Variants in CTNNA2 observed in about 807,000 individuals in gnomAD.
CTNNA2 encodes catenin alpha-2.
In CTNNA2, 42 loss-of-function variants were observed where a neutral mutation model predicts 101.0. That is an observed-to-expected ratio of 0.42 (90% confidence interval 0.32 to 0.54). The LOEUF is 0.54. Among genes scored for constraint, CTNNA2 ranks in the 20% least tolerant of loss-of-function variants. The pLI, the probability that CTNNA2 is intolerant of heterozygous loss-of-function variation, is 0.14. For missense variants in CTNNA2, 871 were observed against 1,223.1 expected (o/e 0.71, Z 4.29); for synonymous variants, 450 against 456.4 (o/e 0.99, Z 0.18).
chr2:79,256,708 C>T (rs754569228), intron 2 of CTNNA2, among the ~76,000 whole-genome samples: 6 of 152,168 alleles, frequency 3.9e-5, no homozygotes, highest in South Asian at 2.1e-4. Flanking sequence ...GGCAATGTCC[C>T]GTGAGTCAGC....
chr2:80,552,401 A>ATTT, intron 11 of CTNNA2, among the ~76,000 whole-genome samples: 1 of 152,236 alleles, frequency 6.6e-6, no homozygotes, highest in Non-Finnish European at 1.5e-5. Context: ...TTTTTAATAA[A>ATTT]GTACAAATCT....
chr2:80,418,880 A>G (rs1490542570), intron 8 of CTNNA2, among the ~76,000 whole-genome samples: 1 of 152,206 alleles, frequency 6.6e-6, no homozygotes, highest in Non-Finnish European at 1.5e-5. Context: ...ATCTTGAAGA[A>G]TAATTATAAG....
At chr2:79,461,078 G>C (rs1340235804) in intron 4 of CTNNA2, among the ~76,000 whole-genome samples, 1 of 152,176 alleles carries the variant, frequency 6.6e-6, no homozygotes, top group Non-Finnish European at 1.5e-5. Flanking sequence ...CTGACCTCAA[G>C]TGATCCCCCC....
At chr2:79,507,766 T>G (rs1671444936) in intron 5 of CTNNA2, among the ~76,000 whole-genome samples, 1 of 152,208 alleles carries the variant, frequency 6.6e-6, no homozygotes. Context: ...CCTTTGAATC[T>G]AGCCACGAGA....
rs181410338 is a variant in CTNNA2 at position 79,352,734 on chromosome 2, A to T, written c.-317-21097A>T. Among the ~76,000 whole-genome samples the T allele has an allele frequency of 4.1e-4, 62 of 152,224 alleles. No homozygotes were observed. In the East Asian group the frequency reaches 0.01, roughly 26 times the overall value. ...TGATAACTTCTTAAAAGTGTTTAGT[A>T]CTATAAACTTTCCTCTTAACACTGC... On this transcript the variant is annotated intron_variant, in intron 3 of 21. Transcript: ENST00000466387.
At chr2:80,430,012 A>T (rs1681347285) in intron 9 of CTNNA2, among the ~76,000 whole-genome samples, 1 of 152,162 alleles carries the variant, frequency 6.6e-6, no homozygotes, top group African/African-American at 2.4e-5. Flanking sequence ...TATGAAATCA[A>T]TTTTTTTCAT....
intron 7 of CTNNA2, among the ~76,000 whole-genome samples, chr2:80,088,284 A>C (rs1699573963): frequency 6.6e-6 from 1 of 152,030 alleles, no homozygotes; most frequent in African/African-American, 2.4e-5. Flanking sequence ...TCATCTTATT[A>C]AACCCATATA....
intron 4 of CTNNA2, among the ~76,000 whole-genome samples, chr2:79,460,108 C>A (rs1448175972): frequency 2.6e-5 from 4 of 151,984 alleles, no homozygotes; most frequent in Non-Finnish European, 5.9e-5. Context: ...CTTTTTAATT[C>A]TCTCTCTAAA....
chr2:80,206,859 G>A (rs1209729623), intron 7 of CTNNA2, among the ~76,000 whole-genome samples: 1 of 152,142 alleles, frequency 6.6e-6, no homozygotes, highest in African/African-American at 2.4e-5. Flanking sequence ...TTCTTTCATG[G>A]CCATCTGATG....
chr2:79,608,877 A>T (rs1466460147), intron 1 of CTNNA2, among the ~76,000 whole-genome samples: 2 of 151,954 alleles, frequency 1.3e-5, no homozygotes, highest in Admixed American at 6.6e-5. Context: ...CCTTGATTTT[A>T]TTCAGTATTG....
chr2:79,754,211 T>G (rs954991693), intron 3 of CTNNA2, among the ~76,000 whole-genome samples: 5 of 152,134 alleles, frequency 3.3e-5, no homozygotes, highest in East Asian at 1.9e-4. Flanking sequence ...AAGTAAATGA[T>G]GACCAATGGG....
At chr2:80,051,507 A>G (rs1696874395) in intron 7 of CTNNA2, among the ~76,000 whole-genome samples, 1 of 152,182 alleles carries the variant, frequency 6.6e-6, no homozygotes, top group African/African-American at 2.4e-5. Flanking sequence ...GTGAATAATA[A>G]TTTTTGCTGC....
chr2:79,616,894 A>G (rs1226212385), intron 1 of CTNNA2, among the ~76,000 whole-genome samples: 1 of 149,420 alleles, frequency 6.7e-6, no homozygotes, highest in Non-Finnish European at 1.5e-5. Flanking sequence ...ATAATATTTA[A>G]TATTTTCTTT....
intron 1 of CTNNA2, among the ~76,000 whole-genome samples, chr2:79,563,188 T>TATATATATATATATA (rs1491331448): frequency 1.1e-3 from 45 of 42,288 alleles, no homozygotes; most frequent in Non-Finnish European, 2.2e-3. Context: ...TATATATATA[T>TATATATATATATATA]TTTCCTTCAT....
At chr2:80,133,335 C>T (rs934839514) in intron 7 of CTNNA2, among the ~76,000 whole-genome samples, 3 of 152,114 alleles carry the variant, frequency 2.0e-5, no homozygotes, top group Non-Finnish European at 2.9e-5. Flanking sequence ...CAGAACTATG[C>T]AGTAATAAAT....
chr2:79,914,539 G>A (rs948473109), intron 7 of CTNNA2, among the ~76,000 whole-genome samples: 2 of 152,116 alleles, frequency 1.3e-5, no homozygotes, highest in Admixed American at 1.3e-4. Context: ...TTGTGCTGCT[G>A]TACAACCTGT....
chr2:79,944,043 C>G (rs970179285), intron 7 of CTNNA2, among the ~76,000 whole-genome samples: 2 of 152,096 alleles, frequency 1.3e-5, no homozygotes, highest in African/African-American at 4.8e-5. Context: ...GAGAATGCTG[C>G]AGCCTGAAAT....
intron 1 of CTNNA2, among the ~76,000 whole-genome samples, chr2:79,639,212 T>G (rs1680281073): frequency 6.6e-6 from 1 of 152,154 alleles, no homozygotes; most frequent in Admixed American, 6.5e-5. Flanking sequence ...GGTTCCTGCT[T>G]TTACAATCTG....
intron 7 of CTNNA2, among the ~76,000 whole-genome samples, chr2:80,230,503 A>G (rs2149072852): frequency 6.6e-6 from 1 of 152,228 alleles, no homozygotes; most frequent in South Asian, 2.1e-4. Context: ...ATCCAGGTGT[A>G]AGCCAAACAG....
Sources: allele counts gnomAD v4.1 joint callset (sites outside exome capture counted in the v4.1 genomes callset), GRCh38; gene constraint gnomAD v4.1.1; transcripts MANE v1.5; gene names NCBI Gene and HGNC (gene_info 2026-07-23, HGNC 2026-07-21).